The following ZW10 variants were observed in gnomAD, a reference collection of about 807,000 sequenced individuals.
ZW10 encodes centromere/kinetochore protein zw10 homolog.
ZW10 carries 53 observed loss-of-function variants against 87.8 expected under a neutral mutation model. That is an observed-to-expected ratio of 0.60 (90% CI 0.48 to 0.76). ZW10 has a LOEUF of 0.76. ZW10 is among the 30% of genes least tolerant of loss of function. The pLI is 0.00. For missense variants in ZW10, 837 were observed against 923.0 expected (o/e 0.91, Z 1.21); for synonymous variants, 312 against 329.2 (o/e 0.95, Z 0.57).
chr11:113,741,871 C>A, intron 10 of ZW10, 106 bp from the exon 11 acceptor site: 1 of 661,444 alleles, frequency 1.5e-6, no homozygotes, highest in South Asian at 2.2e-5. Flanking sequence ...GCTAAAACTA[C>A]AGTTGCACAG....
chr11:113,771,038 C>A (rs1953961727), intron 1 of ZW10, among the ~76,000 whole-genome samples: 2 of 145,956 alleles, frequency 1.4e-5, no homozygotes, highest in African/African-American at 2.5e-5. Flanking sequence ...AGTGGTGGAG[C>A]AATCTCACCT....
At chr11:113,752,353 C>G (rs1029872904) in intron 7 of ZW10, among the ~76,000 whole-genome samples, 1 of 152,024 alleles carries the variant, frequency 6.6e-6, no homozygotes, top group Non-Finnish European at 1.5e-5. Context: ...CAAATTTATA[C>G]GTTGAAGCCC....
At chr11:113,763,926 T>C (rs1316495401) in intron 2 of ZW10, among the ~76,000 whole-genome samples, 2 of 152,214 alleles carry the variant, frequency 1.3e-5, no homozygotes, top group Non-Finnish European at 2.9e-5. Flanking sequence ...TGTCAGGAAG[T>C]CCTTGCCCAT....
intron 7 of ZW10, among the ~76,000 whole-genome samples, chr11:113,753,059 G>A (rs1431540600): frequency 6.6e-6 from 1 of 151,862 alleles, no homozygotes; most frequent in Non-Finnish European, 1.5e-5. Flanking sequence ...AGGCGTACAT[G>A]TGCAGGTTTG....
rs114498465 is a variant in ZW10, at chr11:113,772,058, G to A, written c.105+1504C>T. Among the ~76,000 whole-genome samples the A allele has an allele frequency of 2.7e-3, 414 of 152,090 alleles. 3 individuals carry two copies. Among genetic ancestry groups the A allele is most frequent in the African/African-American group, 9.5e-3 (393 of 41,484 alleles). ...AGGGAAGATAAAGATTTTTTTTTATGCAGGAGACATTTGAAATGGAACTTG... is the reference window on the plus strand; with the variant it reads ...AGGGAAGATAAAGATTTTTTTTTATACAGGAGACATTTGAAATGGAACTTG... On this transcript the variant is annotated intron_variant, in intron 1 of 15. Coordinates refer to ENST00000200135, the MANE Select transcript of ZW10 (RefSeq NM_004724.4).
chr11:113,746,104 C>T (rs1344049631), intron 9 of ZW10, among the ~76,000 whole-genome samples: 1 of 152,154 alleles, frequency 6.6e-6, no homozygotes, highest in Non-Finnish European at 1.5e-5. Context: ...ATAGGACAGT[C>T]CCCCACAGCG....
chr11:113,746,445 T>G (rs1241020373), intron 9 of ZW10, among the ~76,000 whole-genome samples: 1 of 145,862 alleles, frequency 6.9e-6, no homozygotes, highest in African/African-American at 2.6e-5. Context: ...GTAGTATGTA[T>G]GTACCAGGTA....
rs1269423759 is a variant in ZW10, at chr11:113,736,568, C to T, written c.2219+52G>A. 6.3e-6 allele frequency: 10 copies of T among 1,584,148 alleles called. No homozygotes were observed. The East Asian group carries it at 6.7e-5, about 11-fold the overall frequency. On this transcript the variant is annotated intron_variant, in intron 15 of 15. Transcript: ENST00000200135. ...AGCCCTGCTATCAAGGGCACTATTA[C>T]TCTCTTGTAGCTATGGAGAGTTATA...
At chr11:113,770,475 A>ATCT (rs1953952577) in intron 1 of ZW10, 2 of 150,792 alleles carry the variant, frequency 1.3e-5, no homozygotes, top group Non-Finnish European at 2.9e-5. Flanking sequence ...TGCTTATGAG[A>ATCT]TGCATATGGC....
chr11:113,761,703 C>A (rs1216459708), intron 2 of ZW10, among the ~76,000 whole-genome samples: 1 of 152,172 alleles, frequency 6.6e-6, no homozygotes, highest in Non-Finnish European at 1.5e-5. Flanking sequence ...AATTTATCTT[C>A]ATTCATTTGT....
At position 113,744,006 on chromosome 11, in the gene ZW10, A is replaced by G. The variant is rs1174264624; in HGVS notation, c.1307T>C (p.Leu436Ser). ...TTTGTTATCCTCATCAGGAGTGGGT[A>G]ACTCTGGCACATTTATCTTAGAATC... The part of the protein sequence containing the change: ...IPDSKINVPE[L>S]PTPDEDNKLE... The change falls in exon 10 of 16, where the codon TTA (leucine) becomes TCA (serine). Residue 436 changes from leucine to serine, a missense_variant. By Grantham distance (145) the Leu-to-Ser change is moderately radical. Coordinates refer to ENST00000200135, the MANE Select transcript of ZW10 (RefSeq NM_004724.4). 1 of 1,613,888 alleles carries G rather than the reference A, an allele frequency of 6.2e-7. No homozygotes were observed. Among genetic ancestry groups the G allele is most frequent in the South Asian group, 1.1e-5 (1 of 91,056 alleles).
chr11:113,760,610 A>G lies in ZW10; in HGVS notation c.343-20T>C, dbSNP rs2134890741. ...GGAAAACTGAAAAGTTAAGTATAAT[A>G]TTTTATACATCCTATTATTTCAAGT... On this transcript the variant is annotated intron_variant, in intron 3 of 15. Transcript: ENST00000200135. The G allele has an allele frequency of 6.4e-7, 1 of 1,563,322 alleles. No homozygotes were observed. The highest frequency in any genetic ancestry group is 2.2e-5 in the East Asian group (1 of 44,600).
Position 113,757,805 on chromosome 11 carries a change from G to T in ZW10, c.782C>A (p.Ser261Tyr), listed in dbSNP as rs1313862581. Residue 261 changes from serine (S) to tyrosine (Y), a missense_variant, in exon 7 of 16, where the codon TCC becomes TAC. Physicochemically the swap from Ser to Tyr is moderately radical, Grantham distance 144. Transcript: ENST00000200135. The part of the protein sequence containing the change: ...YILRPLASCP[S>Y]LHAVIESQPN... ...CTGGCTTTCTATCACAGCATGAAGG[G>T]ATGGGCAAGATGCCAGCGGCCTAAG... 1 of 1,612,694 alleles carries T rather than the reference G, an allele frequency of 6.2e-7. No homozygotes were observed. The highest frequency in any genetic ancestry group is 8.5e-7 in the Non-Finnish European group (1 of 1,179,240).
chr11:113,757,598 T>C, intron 7 of ZW10, 64 bp downstream of exon 7: 1 of 1,194,094 alleles, frequency 8.4e-7, no homozygotes, highest in Non-Finnish European at 1.1e-6. Flanking sequence ...TTTAAAATAA[T>C]ATTTACTTTT....
At chr11:113,747,338 C>T (rs1953689348) in intron 9 of ZW10, among the ~76,000 whole-genome samples, 193 bp downstream of exon 9, 1 of 152,142 alleles carries the variant, frequency 6.6e-6, no homozygotes, top group Non-Finnish European at 1.5e-5. Flanking sequence ...ATCGTATCTG[C>T]ACTTCACAAT....
At chr11:113,756,204 G>A (rs1953783256) in intron 7 of ZW10, among the ~76,000 whole-genome samples, 1 of 152,042 alleles carries the variant, frequency 6.6e-6, no homozygotes, top group African/African-American at 2.4e-5. Flanking sequence ...AATGCACAGA[G>A]AAAAAGCCAT....
intron 2 of ZW10, among the ~76,000 whole-genome samples, chr11:113,766,673 CAAAAAAAA>C (rs34081366): frequency 3.6e-5 from 1 of 27,638 alleles, no homozygotes; most frequent in Admixed American, 7.0e-4. Context: ...GACTCCATCT[CAAAAAAAA>C]AAAAAAAAAA....
chr11:113,769,747 G>A (rs1953945038), intron 1 of ZW10: 1 of 424,684 alleles, frequency 2.4e-6, no homozygotes, highest in South Asian at 1.9e-5. Context: ...AATGCCTGTG[G>A]TTTCCACAGA....
chr11:113,769,030 T>A, intron 1 of ZW10, 63 bp from the exon 2 acceptor site: 4 of 1,532,486 alleles, frequency 2.6e-6, no homozygotes, highest in Non-Finnish European at 3.6e-6. Context: ...CTAATAAGAA[T>A]ATATTCATCT....
Sources: allele counts gnomAD v4.1 joint callset (sites outside exome capture counted in the v4.1 genomes callset), GRCh38; gene constraint gnomAD v4.1.1; transcripts MANE v1.5; gene names NCBI Gene and HGNC (gene_info 2026-07-23, HGNC 2026-07-21).